The following TFDP1 variants were observed in gnomAD, a reference collection of about 807,000 sequenced individuals.
TFDP1 encodes the protein DRTF1-polypeptide 1.
TFDP1 carries 6 observed loss-of-function variants against 48.0 expected under a neutral mutation model. That is an observed-to-expected ratio of 0.13 (90% CI 0.07 to 0.25). The LOEUF (loss-of-function observed/expected upper bound fraction) is 0.25. TFDP1 is among the 10% of genes least tolerant of loss of function. The pLI is 1.00. For synonymous variants in TFDP1, 201 were observed against 211.6 expected, an observed-to-expected ratio of 0.95 and a Z score of 0.44; for missense variants, 335 against 543.0, an observed-to-expected ratio of 0.62 and a Z score of 3.81.
intron 4 of TFDP1, among the ~76,000 whole-genome samples, chr13:113,624,666 C>G (rs4587851): frequency 0.16 from 10,493 of 63,962 alleles, 35 homozygotes; most frequent in African/African-American, 0.36. Flanking sequence ...CCTCAGGTGT[C>G]TCTCAGGGTA....
In TFDP1 at chr13:113,616,829, G is replaced by A. The variant is rs940382556; in HGVS notation, c.79+5767G>A. Among the ~76,000 whole-genome samples, 7 of 152,280 alleles carry A rather than the reference G, an allele frequency of 4.6e-5. No individual in the cohort carries two copies. In the South Asian group the frequency reaches 1.0e-3, roughly 23 times the overall value. On this transcript the variant is annotated intron_variant, in intron 3 of 11. Coordinates refer to ENST00000375370, the MANE Select transcript of TFDP1 (RefSeq NM_007111.5). The stretch of plus-strand genomic sequence containing the variant: ...ATAGGAAGGGAGGGTATAAGTTTTG[G>A]TTGGCCTCTTCAAACTGCCAGCCTC...
chr13:113,639,744 C>A (rs9577285), intron 11 of TFDP1, among the ~76,000 whole-genome samples: 1 of 152,164 alleles, frequency 6.6e-6, no homozygotes, highest in African/African-American at 2.4e-5. Context: ...CCCGGGCTCT[C>A]TTTTTTCCTG....
In TFDP1 at chr13:113,607,687, C is replaced by T. The variant is rs189344507; in HGVS notation, c.13-3309C>T. 2.7e-3 allele frequency among the ~76,000 whole-genome samples: 416 copies of T among 152,318 alleles called. 1 individual carries two copies. The highest frequency in any genetic ancestry group is 9.6e-3 in the African/African-American group (397 of 41,568). On this transcript the variant is annotated intron_variant, in intron 2 of 11. Coordinates refer to ENST00000375370, the MANE Select transcript of TFDP1 (RefSeq NM_007111.5). The surrounding 1 kb of genome is among the most constrained non-coding windows in gnomAD (Gnocchi z 5.2). ...AGGGCCGCCCGGGTCCACAACCTGG[C>T]CCGTTAACTCCCTGGGCAGCTGCTG... is the stretch of plus-strand genomic sequence containing the variant.
intron 2 of TFDP1, among the ~76,000 whole-genome samples, chr13:113,602,609 C>T (rs999347333): frequency 8.5e-5 from 13 of 152,240 alleles, no homozygotes; most frequent in African/African-American, 3.1e-4. Flanking sequence ...TCACTTTCTT[C>T]TCAGCTCTGC....
chr13:113,634,912 C>T (rs866748790), intron 8 of TFDP1, among the ~76,000 whole-genome samples: 12 of 151,190 alleles, frequency 7.9e-5, no homozygotes, highest in East Asian at 1.9e-4. Context: ...TGCCTGTGTG[C>T]GTGTGTGTGT....
rs533380855 is a variant in TFDP1, at chr13:113,635,885, G to A, written c.688-92G>A. On this transcript the variant is annotated intron_variant, in intron 8 of 11. Transcript: ENST00000375370. ...GTCCAGGCCAACTCCTCGCTGTCAC[G>A]TGGACGCAGGGAGGGCTGTGAGGAC... 4.8e-5 allele frequency: 69 copies of A among 1,439,276 alleles called. 1 individual carries two copies. The highest frequency in any genetic ancestry group is 2.6e-4 in the Middle Eastern group (1 of 3,904). 89.2% of individuals were successfully genotyped at this position (1,439,276 alleles called of 1,614,324 possible). A position where few individuals can be genotyped will look rare whatever the true frequency, so the allele number is the denominator to read the frequency against.
At chr13:113,596,548 C>G (rs892545360) in intron 2 of TFDP1, among the ~76,000 whole-genome samples, 1 of 152,188 alleles carries the variant, frequency 6.6e-6, no homozygotes, top group Non-Finnish European at 1.5e-5. Context: ...GGAGGAGTCA[C>G]ACATTTGACA....
At chr13:113,608,977 G>A (rs986118709) in intron 2 of TFDP1, among the ~76,000 whole-genome samples, 1 of 152,206 alleles carries the variant, frequency 6.6e-6, no homozygotes, top group African/African-American at 2.4e-5. Context: ...GACATCTAGC[G>A]TCTCACACCT....
chr13:113,625,705 GCGTCTCT>G, intron 4 of TFDP1, among the ~76,000 whole-genome samples: 1 of 119,504 alleles, frequency 8.4e-6, no homozygotes, highest in East Asian at 2.7e-4. Context: ...TGTCTCTCAG[GCGTCTCT>G]CACATGTCTT....
rs2049390578 is a variant in TFDP1, at chr13:113,633,432, T to C, written c.474+147T>C. On this transcript the variant is annotated intron_variant, in intron 6 of 11. Coordinates refer to ENST00000375370, the MANE Select transcript of TFDP1 (RefSeq NM_007111.5). The surrounding 1 kb of genome is among the most constrained non-coding windows in gnomAD (Gnocchi z 4.5). The stretch of plus-strand genomic sequence containing the variant: ...AATTTTTACCAAACGAGTCAGTAAG[T>C]GTGTGCCGGGGCCGAGAGGCTGGGG... 1 of 981,334 alleles carries C rather than the reference T, an allele frequency of 1.0e-6. No homozygotes were observed. The highest frequency in any genetic ancestry group is 2.6e-5 in the East Asian group (1 of 38,936). 60.8% of individuals were successfully genotyped at this position (981,334 alleles called of 1,614,324 possible).
rs2049218698 is a variant in TFDP1, at chr13:113,627,656, G to A, written c.187-3967G>A. 6.6e-6 allele frequency among the ~76,000 whole-genome samples: 1 copy of A among 152,150 alleles called. No homozygotes were observed. The highest frequency in any genetic ancestry group is 1.5e-5 in the Non-Finnish European group (1 of 68,022). On this transcript the variant is annotated intron_variant, in intron 4 of 11. Transcript: ENST00000375370. The surrounding 1 kb of genome is among the most constrained non-coding windows in gnomAD (Gnocchi z 4.1). ...AGTCCCCAACCCCTGGGCCTGTTAG[G>A]AAGCTGGCCGCACAGCCGCCTGAGC...
At chr13:113,591,900 G>A (rs1243305290) in intron 2 of TFDP1, among the ~76,000 whole-genome samples, 1 of 152,196 alleles carries the variant, frequency 6.6e-6, no homozygotes, top group Non-Finnish European at 1.5e-5. Context: ...TTCGGGTACT[G>A]GCCATGCACT....
chr13:113,616,797 G>A (rs890447265), intron 3 of TFDP1, among the ~76,000 whole-genome samples: 2 of 152,190 alleles, frequency 1.3e-5, no homozygotes, highest in African/African-American at 4.8e-5. Flanking sequence ...CTGTTAGGAA[G>A]GGGGTTATAG....
intron 2 of TFDP1, among the ~76,000 whole-genome samples, chr13:113,596,142 ATTTC>A: frequency 6.6e-6 from 1 of 152,304 alleles, no homozygotes; most frequent in Middle Eastern, 3.4e-3. Context: ...AGGCTCCACT[ATTTC>A]TTTTGCCTTT....
intron 4 of TFDP1, among the ~76,000 whole-genome samples, chr13:113,628,003 A>C (rs560409893): frequency 6.6e-6 from 1 of 150,980 alleles, no homozygotes; most frequent in African/African-American, 2.5e-5. Flanking sequence ...CTACTGTGGG[A>C]TGCTTCCACC....
chr13:113,602,293 CAG>C (rs886615418), intron 2 of TFDP1, among the ~76,000 whole-genome samples: 1 of 149,918 alleles, frequency 6.7e-6, no homozygotes, highest in African/African-American at 2.5e-5. Context: ...GAGGAGTGGA[CAG>C]AGTTACCCGC....
intron 2 of TFDP1, among the ~76,000 whole-genome samples, chr13:113,592,656 G>A (rs79422857): frequency 0.012 from 1,753 of 152,362 alleles, 18 homozygotes; most frequent in Middle Eastern, 0.044. Context: ...AGTGAATGGG[G>A]AAGCAGGAGA....
rs376463947 is a variant in TFDP1 at position 113,601,972 on chromosome 13, C to T, written c.13-9024C>T. On this transcript the variant is annotated intron_variant, in intron 2 of 11. Transcript: ENST00000375370. ...AGCTACTCCCTCTGTAGCCCTGTAG[C>T]GGACAGAGGAGGGACGGAGCTACCC... 5.9e-3 allele frequency among the ~76,000 whole-genome samples: 848 copies of T among 144,390 alleles called. 31 individuals are homozygous for T. In the East Asian group the frequency reaches 0.11, roughly 18 times the overall value. 94.7% of individuals were successfully genotyped at this position (144,390 alleles called of 152,430 possible). A position where few individuals can be genotyped will look rare whatever the true frequency, so the allele number is the denominator to read the frequency against.
At position 113,585,634 on chromosome 13, in the gene TFDP1, G is replaced by C. The variant is rs556978478; in HGVS notation, c.-64-140G>C. 116 of 523,408 alleles carry C rather than the reference G, an allele frequency of 2.2e-4. 2 individuals are homozygous for C. The highest frequency in any genetic ancestry group is 2.1e-3 in the Middle Eastern group (4 of 1,874). The allele number at this position is 523,408 out of a possible 1,614,324, so 32.4% of individuals were successfully genotyped here. On this transcript the variant is annotated intron_variant, in intron 1 of 11. Transcript: ENST00000375370. ...AAATCCTGAGTGTGGGAGTCGGTTT[G>C]GCCAGCTCCGCTCTCAGGATGGAGG... is the stretch of plus-strand genomic sequence containing the variant.
Sources: gnomAD v4.1 joint callset for allele counts (sites outside exome capture counted in the v4.1 genomes callset) on GRCh38, gnomAD v4.1.1 for gene constraint, Gnocchi (gnomAD v3.1) non-coding constraint, MANE v1.5 for transcripts, NCBI Gene and HGNC (gene_info 2026-07-23, HGNC 2026-07-21) for gene names.